CDH15: variants seen among roughly 807,000 people sequenced by gnomAD.
CDH15 encodes the protein cadherin-15.
In CDH15, 73 loss-of-function variants were observed where a neutral mutation model predicts 69.4. The observed-to-expected ratio is 1.05, with a 90% CI of 0.87 to 1.28. The LOEUF (loss-of-function observed/expected upper bound fraction) is 1.28, where lower values mean the gene tolerates loss of function less well. CDH15 is among the 50% of genes most tolerant of loss of function. The pLI is 0.00. For synonymous variants in CDH15, 624 were observed against 507.7 expected (o/e 1.23, Z -3.08); for missense variants, 1,343 against 1,133.6 (o/e 1.18, Z -2.65).
chr16:89,187,363 C>A, intron 5 of CDH15, 66 bp from the exon 6 acceptor site: 1 of 1,599,440 alleles, frequency 6.3e-7, no homozygotes, highest in Non-Finnish European at 8.5e-7. Context: ...TGGCTCCCAC[C>A]CCTGACCAGT....
At chr16:89,193,353 C>G in intron 11 of CDH15, 117 bp from the exon 12 acceptor site, 1 of 571,808 alleles carries the variant, frequency 1.7e-6, no homozygotes, top group East Asian at 3.8e-5. Flanking sequence ...CCCCTCAACC[C>G]CACCCCTGCT....
In CDH15 at chr16:89,189,281, C is replaced by CCACACACA. The variant is rs1446840693; in HGVS notation, c.979-962_979-961insCACACACA. Among the ~76,000 whole-genome samples the CCACACACA allele has an allele frequency of 2.9e-5, 4 of 137,292 alleles. No individual in the cohort carries two copies. The East Asian group carries it at 6.7e-4, about 23-fold the overall frequency. The allele number at this position is 137,292 out of a possible 152,430, so 90.1% of individuals were successfully genotyped here. On this transcript the variant is annotated intron_variant, in intron 7 of 13. Coordinates refer to ENST00000289746, the MANE Select transcript of CDH15 (RefSeq NM_004933.3). ...CACACACATGCCCACACACAGATGC[C>CCACACACA]GGCACACACAGATGCCCACACACAG...
chr16:89,176,225 G>C (rs561200486), intron 1 of CDH15, among the ~76,000 whole-genome samples: 2 of 152,212 alleles, frequency 1.3e-5, no homozygotes, highest in Non-Finnish European at 2.9e-5. Flanking sequence ...ATGCCCCCAC[G>C]TCCCGGCCCC....
chr16:89,180,269 C>A lies in CDH15; in HGVS notation c.271C>A (p.Pro91Thr). ...SIQGPGVDEEPRGVFSIDKFT... is the reference protein window; with the variant it reads ...SIQGPGVDEETRGVFSIDKFT... ...CCAGGGACCCGGCGTGGATGAGGAG[C>A]CCCGGGGCGTCTTCTCTATCGACAA... is the stretch of plus-strand genomic sequence containing the variant. The change falls in exon 3 of 14, where the codon CCC becomes ACC. Residue 91 changes from proline to threonine, a missense_variant. Coordinates refer to ENST00000289746, the MANE Select transcript of CDH15 (RefSeq NM_004933.3). The A allele has an allele frequency of 1.9e-6, 3 of 1,609,876 alleles. No homozygotes were observed. Among genetic ancestry groups the A allele is most frequent in the Non-Finnish European group, 2.5e-6 (3 of 1,178,314 alleles).
At chr16:89,189,412 G>C (rs1469596222) in intron 7 of CDH15, among the ~76,000 whole-genome samples, 3 of 152,120 alleles carry the variant, frequency 2.0e-5, no homozygotes, top group Admixed American at 6.5e-5. Context: ...CCCACACACA[G>C]ATGCCCATGC....
At chr16:89,190,761 C>T (rs943532279) in intron 8 of CDH15, among the ~76,000 whole-genome samples, 1 of 152,176 alleles carries the variant, frequency 6.6e-6, no homozygotes, top group Non-Finnish European at 1.5e-5. Context: ...GGCCCTTGCT[C>T]CCAAGGGACT....
chr16:89,192,020 C>G, intron 10 of CDH15, 126 bp downstream of exon 10: 1 of 1,159,048 alleles, frequency 8.6e-7, no homozygotes, highest in Non-Finnish European at 1.2e-6. Flanking sequence ...GGTCCCCTCC[C>G]GCCACCCCCC....
Position 89,187,617 on chromosome 16 carries a change from G to T in CDH15, c.792+60G>T, listed in dbSNP as rs558247944. 2.5e-4 allele frequency: 397 copies of T among 1,604,694 alleles called. 3 individuals are homozygous for T. The East Asian group carries it at 8.7e-3, about 35-fold the overall frequency. On this transcript the variant is annotated intron_variant, in intron 6 of 13. Coordinates refer to ENST00000289746, the MANE Select transcript of CDH15 (RefSeq NM_004933.3). ...TGCTTAGAGCTGCCTTCCCTTCTTG[G>T]GCTCCTGCAGAAGGCAGCGGGCTTC... is the stretch of plus-strand genomic sequence containing the variant.
intron 3 of CDH15, 99 bp downstream of exon 3, chr16:89,180,454 C>T (rs1915352152): frequency 2.9e-6 from 4 of 1,356,512 alleles, no homozygotes; most frequent in African/African-American, 2.9e-5. Flanking sequence ...GCTCGGTGGG[C>T]TTCAGGCCAG....
intron 7 of CDH15, 28 bp from the exon 8 acceptor site, chr16:89,190,215 G>T (rs768290914): frequency 6.2e-7 from 1 of 1,608,126 alleles, no homozygotes; most frequent in Non-Finnish European, 8.5e-7. Context: ...GCGTTGGGCG[G>T]ATGACGGGCT....
chr16:89,183,503 A>G (rs781097621), intron 3 of CDH15, 45 bp from the exon 4 acceptor site: 1 of 1,613,138 alleles, frequency 6.2e-7, no homozygotes, highest in Non-Finnish European at 8.5e-7. Context: ...GGAGCCACAG[A>G]AATTTGGGGG....
rs980147418 is a variant in CDH15, at chr16:89,190,340, A to G, written c.1076A>G (p.Gln359Arg). 3 of 1,612,550 alleles carry G rather than the reference A, an allele frequency of 1.9e-6. No homozygotes were observed. The highest frequency in any genetic ancestry group is 1.3e-5 in the African/African-American group (1 of 74,938). The change falls in exon 8 of 14, where the codon CAG (glutamine) becomes CGG (arginine). Residue 359 changes from glutamine to arginine, a missense_variant. By Grantham distance (43) the Gln-to-Arg change is conservative (BLOSUM62 1). Transcript: ENST00000289746. Reference sequence around the variant, plus strand: ...GCTGCCCTTAGGGCTGAGCGGGGCCAGGCCAAGGTCCGCGTGCATGTGCAG... The same window carrying G: ...GCTGCCCTTAGGGCTGAGCGGGGCCGGGCCAAGGTCCGCGTGCATGTGCAG... ...QAAALRAERG[Q>R]AKVRVHVQDT...
chr16:89,174,504 AG>A (rs1367351934), intron 1 of CDH15, among the ~76,000 whole-genome samples: 6 of 152,092 alleles, frequency 3.9e-5, no homozygotes, highest in Non-Finnish European at 8.8e-5. Context: ...CCCACCTCGC[AG>A]TGGTGTTTGT....
intron 11 of CDH15, 87 bp from the exon 12 acceptor site, chr16:89,193,383 C>T: frequency 2.1e-6 from 2 of 950,484 alleles, no homozygotes; most frequent in East Asian, 2.8e-5. Context: ...TGCCCCGCCC[C>T]GCCCCCTCCT....
chr16:89,187,460 T>C lies in CDH15; in HGVS notation c.695T>C (p.Val232Ala), dbSNP rs1411796158. 1 of 1,613,462 alleles carries C rather than the reference T, an allele frequency of 6.2e-7. No individual in the cohort carries two copies. The highest frequency in any genetic ancestry group is 8.5e-7 in the Non-Finnish European group (1 of 1,180,016). ...VVAVYNLTLQ[V>A]ADMSGDGLTA... ...GCGGTGTACAATCTGACCCTGCAGG[T>C]GGCGGACATGTCTGGAGACGGCCTC... Residue 232 changes from valine (V) to alanine (A), a missense_variant, in exon 6 of 14, where the codon GTG becomes GCG. Val to Ala is a moderately conservative substitution (Grantham distance 64). Coordinates refer to ENST00000289746, the MANE Select transcript of CDH15 (RefSeq NM_004933.3).
intron 5 of CDH15, among the ~76,000 whole-genome samples, chr16:89,186,728 A>G (rs55971619): frequency 4.9e-4 from 49 of 99,170 alleles, no homozygotes; most frequent in South Asian, 6.4e-4. Flanking sequence ...GCTCTGTAAA[A>G]GCTCACCCAG....
chr16:89,181,586 G>A (rs1004295751), intron 3 of CDH15, among the ~76,000 whole-genome samples: 12 of 152,064 alleles, frequency 7.9e-5, no homozygotes, highest in African/African-American at 1.4e-4. Flanking sequence ...GCCGTGCGCC[G>A]TGATTGCGCC....
At chr16:89,172,012 G>A in intron 1 of CDH15, 139 bp downstream of exon 1, 4 of 862,274 alleles carry the variant, frequency 4.6e-6, no homozygotes, top group Admixed American at 4.4e-5. Flanking sequence ...GAGTGGCTCC[G>A]GGTGGGTCCC....
chr16:89,185,538 G>C, intron 5 of CDH15: 1 of 670,356 alleles, frequency 1.5e-6, no homozygotes, highest in South Asian at 1.7e-5. Flanking sequence ...GGGTGGGAGG[G>C]GTCTGGTGCA....
Sources: allele counts gnomAD v4.1 joint callset (sites outside exome capture counted in the v4.1 genomes callset), GRCh38; gene constraint gnomAD v4.1.1; transcripts MANE v1.5; gene names NCBI Gene and HGNC (gene_info 2026-07-23, HGNC 2026-07-21).